The following CCSER1 variants were observed in gnomAD, a reference collection of about 807,000 sequenced individuals.
The protein encoded by CCSER1 is coiled-coil serine rich protein 1.
A neutral mutation model predicts 82.0 loss-of-function variants in CCSER1; 41 were observed. The observed-to-expected ratio is 0.50, with a 90% CI of 0.39 to 0.65. CCSER1 has a LOEUF of 0.65. CCSER1 is among the 30% of genes least tolerant of loss of function. The pLI is 0.00. For missense variants in CCSER1, 1,119 were observed against 1,064.2 expected (o/e 1.05, Z -0.72); for synonymous variants, 414 against 383.9 (o/e 1.08, Z -0.92).
intron 10 of CCSER1, among the ~76,000 whole-genome samples, chr4:91,490,641 A>G (rs1310479151): frequency 6.6e-6 from 1 of 151,428 alleles, no homozygotes; most frequent in Non-Finnish European, 1.5e-5. Flanking sequence ...GTACAAAAAT[A>G]TAGTTAGGTA....
At chr4:90,798,603 G>GGGCT (rs370249359) in intron 7 of CCSER1, among the ~76,000 whole-genome samples, 2 of 152,110 alleles carry the variant, frequency 1.3e-5, no homozygotes, top group African/African-American at 4.8e-5. Context: ...TCATCTTTGT[G>GGGCT]GGCTTATCTA....
At chr4:91,399,807 T>C (rs1357906173) in intron 10 of CCSER1, among the ~76,000 whole-genome samples, 2 of 152,036 alleles carry the variant, frequency 1.3e-5, no homozygotes, top group Admixed American at 6.6e-5. Flanking sequence ...ATTTGTAATA[T>C]GTGAGGTAAA....
intron 1 of CCSER1, among the ~76,000 whole-genome samples, chr4:90,147,887 G>A (rs1373910191): frequency 2.0e-5 from 3 of 152,076 alleles, no homozygotes; most frequent in Non-Finnish European, 4.4e-5. Flanking sequence ...ATAAAAGGCC[G>A]GGCATGGTGG....
At chr4:90,202,205 T>C (rs1019568688) in intron 1 of CCSER1, among the ~76,000 whole-genome samples, 5 of 149,518 alleles carry the variant, frequency 3.3e-5, no homozygotes, top group Admixed American at 6.7e-5. Flanking sequence ...AGTAAAACTT[T>C]TTTTTTTTTT....
chr4:91,367,613 G>A (rs1273290698), intron 10 of CCSER1, among the ~76,000 whole-genome samples: 1 of 151,750 alleles, frequency 6.6e-6, no homozygotes, highest in African/African-American at 2.4e-5. Context: ...CTATCCTTTT[G>A]TAATCTTGTC....
intron 5 of CCSER1, among the ~76,000 whole-genome samples, chr4:90,607,277 T>TA (rs1352422762): frequency 6.6e-6 from 1 of 152,168 alleles, no homozygotes; most frequent in Non-Finnish European, 1.5e-5. Flanking sequence ...TTTAATAGAA[T>TA]AAATCTTATG....
At chr4:91,385,177 A>G (rs143860424) in intron 10 of CCSER1, among the ~76,000 whole-genome samples, 315 of 152,202 alleles carry the variant, frequency 2.1e-3, no homozygotes, top group African/African-American at 7.3e-3. Flanking sequence ...AATTATGAAA[A>G]TATCCAAACT....
At chr4:91,269,284 G>C (rs1183307903) in intron 10 of CCSER1, among the ~76,000 whole-genome samples, 2 of 152,124 alleles carry the variant, frequency 1.3e-5, no homozygotes, top group Non-Finnish European at 2.9e-5. Context: ...ATCTAAATAA[G>C]CACAAAACTA....
intron 5 of CCSER1, among the ~76,000 whole-genome samples, chr4:90,604,105 C>G (rs1014779511): frequency 2.0e-5 from 3 of 152,112 alleles, no homozygotes; most frequent in African/African-American, 4.8e-5. Context: ...ATATTATTCT[C>G]CCCATCTTTC....
At chr4:91,021,934 A>G (rs1279661495) in intron 9 of CCSER1, among the ~76,000 whole-genome samples, 1 of 152,234 alleles carries the variant, frequency 6.6e-6, no homozygotes, top group East Asian at 1.9e-4. Flanking sequence ...TAGGTATGGT[A>G]TATTTCAAAT....
intron 10 of CCSER1, among the ~76,000 whole-genome samples, chr4:91,564,913 T>A (rs559247323): frequency 6.6e-6 from 1 of 151,954 alleles, no homozygotes; most frequent in African/African-American, 2.4e-5. Flanking sequence ...ATTTTTGGTA[T>A]GTTTATCATA....
At chr4:90,909,267 G>A (rs1158808506) in intron 8 of CCSER1, among the ~76,000 whole-genome samples, 1 of 152,050 alleles carries the variant, frequency 6.6e-6, no homozygotes, top group Non-Finnish European at 1.5e-5. Context: ...TCTTTTTAAT[G>A]TGATTATATC....
chr4:90,595,710 A>AT (rs1406519832), intron 5 of CCSER1, among the ~76,000 whole-genome samples: 1 of 151,984 alleles, frequency 6.6e-6, no homozygotes, highest in Non-Finnish European at 1.5e-5. Flanking sequence ...TTTAGTATCA[A>AT]TAACGCCCTT....
In CCSER1 at chr4:91,010,505, G is replaced by C. The variant is rs529378517; in HGVS notation, c.2173-75445G>C. On this transcript the variant is annotated intron_variant, in intron 9 of 10. Coordinates refer to ENST00000509176, the MANE Select transcript of CCSER1 (RefSeq NM_001145065.2). ...AATTACAGCATTAACTAAGCTTACT[G>C]CCCCATTTTTGACGCTTTCCTTTCT... 3.2e-5 allele frequency among the ~76,000 whole-genome samples: 3 copies of C among 93,212 alleles called. 1 individual carries two copies. The highest frequency in any genetic ancestry group is 8.9e-5 in the Non-Finnish European group (3 of 33,858). 61.2% of individuals were successfully genotyped at this position (93,212 alleles called of 152,430 possible).
intron 3 of CCSER1, among the ~76,000 whole-genome samples, chr4:90,324,465 C>G (rs1052993643): frequency 6.7e-6 from 1 of 148,990 alleles, no homozygotes; most frequent in African/African-American, 2.5e-5. Flanking sequence ...GCATAAATGT[C>G]TTCTTTTGAG....
At chr4:91,451,861 T>C (rs919543081) in intron 10 of CCSER1, among the ~76,000 whole-genome samples, 58 of 152,028 alleles carry the variant, frequency 3.8e-4, no homozygotes, top group African/African-American at 1.2e-3. Context: ...TATTAAGTAT[T>C]AGTAATAAGC....
chr4:90,631,456 G>A (rs1265588967), intron 6 of CCSER1, among the ~76,000 whole-genome samples: 2 of 152,130 alleles, frequency 1.3e-5, no homozygotes, highest in Admixed American at 6.5e-5. Flanking sequence ...ATCCTTTGTT[G>A]TTTTTGAGGG....
chr4:91,591,776 A>G (rs531446043), intron 10 of CCSER1, among the ~76,000 whole-genome samples: 2 of 152,166 alleles, frequency 1.3e-5, no homozygotes, highest in Admixed American at 6.6e-5. Flanking sequence ...CCCACCATTT[A>G]TGTTTACACA....
chr4:91,374,980 G>C (rs752801436), intron 10 of CCSER1, among the ~76,000 whole-genome samples: 3 of 152,152 alleles, frequency 2.0e-5, no homozygotes, highest in Non-Finnish European at 4.4e-5. Flanking sequence ...GCCTGGGAGA[G>C]AGAGTCTTGC....
Sources: allele counts gnomAD v4.1 joint callset (sites outside exome capture counted in the v4.1 genomes callset), GRCh38; gene constraint gnomAD v4.1.1; transcripts MANE v1.5; gene names NCBI Gene and HGNC (gene_info 2026-07-23, HGNC 2026-07-21).